The following ST8SIA2 variants were observed in gnomAD, a reference collection of about 807,000 sequenced individuals.
ST8SIA2 encodes alpha-2,8-sialyltransferase 8B.
In ST8SIA2, 22 loss-of-function variants were observed where a neutral mutation model predicts 37.6. The ratio of observed to expected loss-of-function variants is 0.58; its 90% CI spans 0.42 to 0.83. The LOEUF (loss-of-function observed/expected upper bound fraction) is 0.83. Ranked by LOEUF, ST8SIA2 falls within the 40% of genes least tolerant of loss-of-function variation. The pLI is 0.00. For synonymous variants in ST8SIA2, 205 were observed against 201.2 expected (o/e 1.02, Z -0.16); for missense variants, 382 against 484.7 (o/e 0.79, Z 1.99).
At chr15:92,425,147 G>A (rs1055125875) in intron 1 of ST8SIA2, among the ~76,000 whole-genome samples, 1 of 152,120 alleles carries the variant, frequency 6.6e-6, no homozygotes, top group Non-Finnish European at 1.5e-5. Flanking sequence ...AACCAGGCAG[G>A]TATCAGCAGT....
chr15:92,442,647 A>C (rs949979067), intron 4 of ST8SIA2, among the ~76,000 whole-genome samples: 1 of 152,120 alleles, frequency 6.6e-6, no homozygotes, highest in Non-Finnish European at 1.5e-5. Context: ...AAAGTAACTG[A>C]GACCTGAGCA....
intron 1 of ST8SIA2, among the ~76,000 whole-genome samples, chr15:92,408,171 A>G (rs1211889934): frequency 1.3e-5 from 2 of 152,070 alleles, no homozygotes; most frequent in African/African-American, 4.8e-5. Flanking sequence ...AAACAACCTT[A>G]TGAATGATTC....
intron 5 of ST8SIA2, among the ~76,000 whole-genome samples, chr15:92,451,017 A>G (rs903254868): frequency 3.9e-5 from 6 of 152,218 alleles, no homozygotes; most frequent in African/African-American, 1.4e-4. Context: ...AAAGCATTTC[A>G]TGGGCAACTT....
intron 1 of ST8SIA2, among the ~76,000 whole-genome samples, chr15:92,406,006 C>T (rs564025553): frequency 3.5e-4 from 54 of 152,252 alleles, no homozygotes; most frequent in Admixed American, 1.3e-4. Context: ...CACCTGCCTA[C>T]GGGTGGCCTC....
intron 5 of ST8SIA2, among the ~76,000 whole-genome samples, chr15:92,447,547 G>T (rs1340642877): frequency 6.6e-6 from 1 of 152,154 alleles, no homozygotes; most frequent in Non-Finnish European, 1.5e-5. Flanking sequence ...GGGGCATCAG[G>T]ATGCTCTTCA....
intron 2 of ST8SIA2, among the ~76,000 whole-genome samples, chr15:92,433,130 CAA>C (rs903779794): frequency 2.2e-4 from 23 of 106,688 alleles, no homozygotes; most frequent in East Asian, 2.5e-4. Context: ...CCTCTGTCTC[CAA>C]AAAAAAAAAA....
intron 5 of ST8SIA2, among the ~76,000 whole-genome samples, chr15:92,448,084 T>C (rs1163389783): frequency 6.6e-6 from 1 of 152,124 alleles, no homozygotes; most frequent in Non-Finnish European, 1.5e-5. Flanking sequence ...TATAACTGAC[T>C]CACTTTCATC....
intron 4 of ST8SIA2, among the ~76,000 whole-genome samples, 169 bp from the exon 5 acceptor site, chr15:92,444,467 A>T (rs2049825663): frequency 6.6e-6 from 1 of 152,198 alleles, no homozygotes; most frequent in Non-Finnish European, 1.5e-5. Flanking sequence ...TTGTGGCAGA[A>T]AAAGGAGGAG....
intron 1 of ST8SIA2, among the ~76,000 whole-genome samples, chr15:92,424,702 C>T (rs1457445933): frequency 6.6e-6 from 1 of 151,798 alleles, no homozygotes; most frequent in Non-Finnish European, 1.5e-5. Flanking sequence ...ACCTCTGCCT[C>T]CTGGGTTCCA....
chr15:92,432,700 C>T (rs750810090), intron 2 of ST8SIA2, among the ~76,000 whole-genome samples: 8 of 152,076 alleles, frequency 5.3e-5, no homozygotes, highest in Admixed American at 2.6e-4. Context: ...CTATCCTCTG[C>T]GAAGTTACAG....
intron 1 of ST8SIA2, among the ~76,000 whole-genome samples, chr15:92,410,283 G>A (rs1596231628): frequency 6.6e-6 from 1 of 152,348 alleles, no homozygotes; most frequent in African/African-American, 2.4e-5. Flanking sequence ...ATAAATAGGT[G>A]TTGGTCTATT....
intron 1 of ST8SIA2, among the ~76,000 whole-genome samples, chr15:92,394,884 AGTCT>A (rs769216930): frequency 9.8e-4 from 149 of 152,218 alleles, no homozygotes; most frequent in Non-Finnish European, 1.6e-3. Flanking sequence ...ATTTCGGGAA[AGTCT>A]GTACCGCCGC....
Position 92,425,291 on chromosome 15 carries a change from G to T in ST8SIA2, c.99-4758G>T, listed in dbSNP as rs939829693. The stretch of plus-strand genomic sequence containing the variant: ...CTGCAGCCCAGTTTCTTTGAATGAT[G>T]GTCTTCCCTGTTCTATGAACAACTG... On this transcript the variant is annotated intron_variant, in intron 1 of 5. Coordinates refer to ENST00000268164, the MANE Select transcript of ST8SIA2 (RefSeq NM_006011.4). Among the ~76,000 whole-genome samples the T allele has an allele frequency of 4.9e-4, 75 of 152,170 alleles. 1 individual carries two copies. The highest frequency in any genetic ancestry group is 8.8e-5 in the Non-Finnish European group (6 of 68,038).
intron 1 of ST8SIA2, among the ~76,000 whole-genome samples, chr15:92,396,653 C>T (rs1023841219): frequency 1.9e-4 from 29 of 152,040 alleles, no homozygotes; most frequent in Non-Finnish European, 2.9e-4. Flanking sequence ...GCCACCACAC[C>T]AGGCTAATTT....
chr15:92,455,604 C>T (rs763616712), intron 5 of ST8SIA2, among the ~76,000 whole-genome samples: 1 of 152,172 alleles, frequency 6.6e-6, no homozygotes, highest in South Asian at 2.1e-4. Context: ...ACACACACCA[C>T]CTCATTCTCC....
At chr15:92,434,165 C>A in intron 2 of ST8SIA2, 82 bp from the exon 3 acceptor site, 1 of 1,596,662 alleles carries the variant, frequency 6.3e-7, no homozygotes, top group Non-Finnish European at 8.5e-7. Context: ...CATTCAAGCC[C>A]GTGCAAAAAC....
rs138188981 is a variant in ST8SIA2 at position 92,430,096 on chromosome 15, A to G, written c.146A>G (p.His49Arg). 3 of 1,614,006 alleles carry G rather than the reference A, an allele frequency of 1.9e-6. No individual in the cohort carries two copies. The highest frequency in any genetic ancestry group is 1.7e-5 in the Admixed American group (1 of 60,012). ...ATCAGATCAGCTGTGAACAGCTTAC[A>G]TAGCAAATCTAATAGGTTTGTAAAT... ...GTIRSAVNSL[H>R]SKSNRAEVVI... is the part of the protein sequence containing the mutation. The change falls in exon 2 of 6, where the codon CAT becomes CGT. Residue 49 changes from histidine (H) to arginine (R), a missense_variant. Transcript: ENST00000268164.
rs2050002962 is a variant in ST8SIA2 at position 92,467,756 on chromosome 15, T to A, written c.*3371T>A. 1 of 152,536 alleles carries A rather than the reference T, an allele frequency of 6.6e-6. No individual in the cohort carries two copies. Among genetic ancestry groups the A allele is most frequent in the African/African-American group, 2.4e-5 (1 of 41,378 alleles). 9.4% of individuals were successfully genotyped at this position (152,536 alleles called of 1,614,324 possible). On this transcript the variant is annotated 3_prime_UTR_variant, in exon 6 of 6. Coordinates refer to ENST00000268164, the MANE Select transcript of ST8SIA2 (RefSeq NM_006011.4). ...CCTTACACTGGCGTCCTCTCCTGAG[T>A]CCCTCCGCACTCTCCATCAGCAACC...
chr15:92,422,199 A>G (rs142077271), intron 1 of ST8SIA2: 2 of 152,342 alleles, frequency 1.3e-5, no homozygotes, highest in Admixed American at 6.5e-5. Context: ...TGGCTGTATT[A>G]TAAGTAGTGA....
Sources: gnomAD v4.1 joint callset for allele counts (sites outside exome capture counted in the v4.1 genomes callset) on GRCh38, gnomAD v4.1.1 for gene constraint, MANE v1.5 for transcripts, NCBI Gene and HGNC (gene_info 2026-07-23, HGNC 2026-07-21) for gene names.